MAP4K5: variants seen among roughly 807,000 people sequenced by gnomAD.
MAP4K5 encodes MAPK/ERK kinase kinase kinase 5.
A neutral mutation model predicts 135.6 loss-of-function variants in MAP4K5; 82 were observed. That is an observed-to-expected ratio of 0.60 (90% CI 0.51 to 0.73). The LOEUF (loss-of-function observed/expected upper bound fraction) is 0.73. Among genes scored for constraint, MAP4K5 ranks in the 30% least tolerant of loss-of-function variants. MAP4K5 has a pLI of 0.00. For synonymous variants in MAP4K5, 347 were observed against 335.0 expected (o/e 1.04, Z -0.39); for missense variants, 907 against 1,010.9 (o/e 0.90, Z 1.39).
intron 14 of MAP4K5, among the ~76,000 whole-genome samples, chr14:50,451,956 A>C (rs1268568653): frequency 6.6e-6 from 1 of 151,578 alleles, no homozygotes; most frequent in Non-Finnish European, 1.5e-5. Context: ...CTCGTGGTAC[A>C]AAAGTGATAT....
At chr14:50,554,806 C>T (rs2038745190) in intron 1 of MAP4K5, among the ~76,000 whole-genome samples, 2 of 152,170 alleles carry the variant, frequency 1.3e-5, no homozygotes, top group African/African-American at 4.8e-5. Flanking sequence ...CTCATCCACT[C>T]GCTGGGCTGG....
chr14:50,532,261 C>G (rs2038412270), intron 1 of MAP4K5, 103 bp from the exon 2 acceptor site: 4 of 491,502 alleles, frequency 8.1e-6, no homozygotes, highest in Non-Finnish European at 1.4e-5. Flanking sequence ...CGCCAGGGGC[C>G]GTGGAAGAGA....
chr14:50,558,056 T>C (rs1214436688), intron 1 of MAP4K5, among the ~76,000 whole-genome samples: 1 of 152,224 alleles, frequency 6.6e-6, no homozygotes, highest in African/African-American at 2.4e-5. Flanking sequence ...CATTAATTTA[T>C]AGAGGGACTC....
chr14:50,527,837 TA>T (rs1329888023), intron 2 of MAP4K5, among the ~76,000 whole-genome samples: 997 of 23,300 alleles, frequency 0.043, 11 homozygotes, highest in African/African-American at 0.091. Context: ...ATAATAATAA[TA>T]AATAAATAAA....
chr14:50,469,717 T>C (rs1231324042), intron 9 of MAP4K5, among the ~76,000 whole-genome samples: 1 of 152,180 alleles, frequency 6.6e-6, no homozygotes, highest in African/African-American at 2.4e-5. Flanking sequence ...CTGTTGAATA[T>C]ACAAAAGACT....
intron 16 of MAP4K5, among the ~76,000 whole-genome samples, chr14:50,446,418 T>C (rs2036349429): frequency 6.6e-6 from 1 of 152,246 alleles, no homozygotes; most frequent in Non-Finnish European, 1.5e-5. Context: ...AAAAAACTGA[T>C]TCAGAATTTT....
chr14:50,443,894 T>C, intron 19 of MAP4K5, 45 bp downstream of exon 19: 2 of 1,491,658 alleles, frequency 1.3e-6, no homozygotes, highest in Non-Finnish European at 1.8e-6. Context: ...GCATGATAAA[T>C]ATAGTATTAT....
At chr14:50,481,068 T>A (rs190064853) in intron 6 of MAP4K5, among the ~76,000 whole-genome samples, 1 of 151,880 alleles carries the variant, frequency 6.6e-6, no homozygotes, top group Non-Finnish European at 1.5e-5. Flanking sequence ...CTTTGTTTTT[T>A]TTTTTTATTT....
At chr14:50,505,908 T>C (rs963491025) in intron 2 of MAP4K5, among the ~76,000 whole-genome samples, 33 of 146,150 alleles carry the variant, frequency 2.3e-4, no homozygotes, top group African/African-American at 7.3e-4. Context: ...GATACGGTAT[T>C]ACTAGGTCAA....
chr14:50,480,786 T>C (rs1174641759), intron 6 of MAP4K5, among the ~76,000 whole-genome samples: 1 of 152,220 alleles, frequency 6.6e-6, no homozygotes, highest in East Asian at 1.9e-4. Flanking sequence ...AGGGTATATG[T>C]ATAGCCCTAT....
chr14:50,515,236 T>TGG (rs1354891944), intron 2 of MAP4K5, among the ~76,000 whole-genome samples: 1 of 152,192 alleles, frequency 6.6e-6, no homozygotes, highest in Non-Finnish European at 1.5e-5. Context: ...TTATGACCCC[T>TGG]GGTTCACAGT....
chr14:50,434,217 C>A (rs1478499028), intron 28 of MAP4K5, among the ~76,000 whole-genome samples, 177 bp downstream of exon 28: 2 of 152,116 alleles, frequency 1.3e-5, no homozygotes, highest in Non-Finnish European at 2.9e-5. Flanking sequence ...TATCAAACTA[C>A]CTCTGGCAAA....
intron 1 of MAP4K5, among the ~76,000 whole-genome samples, chr14:50,558,321 T>G (rs1194555437): frequency 3.3e-5 from 5 of 152,186 alleles, no homozygotes; most frequent in Non-Finnish European, 1.5e-5. Flanking sequence ...ATCACGCCAC[T>G]GCACTCCGGC....
At chr14:50,473,911 A>C (rs1272301959) in intron 9 of MAP4K5, among the ~76,000 whole-genome samples, 1 of 151,622 alleles carries the variant, frequency 6.6e-6, no homozygotes, top group Non-Finnish European at 1.5e-5. Flanking sequence ...TTTTTAGTAG[A>C]GACGGGGTTT....
In MAP4K5 at chr14:50,422,575, TAA is replaced by T. The variant is rs965980711; in HGVS notation, c.2453+544_2453+545del. Among the ~76,000 whole-genome samples, 4 of 142,324 alleles carry T rather than the reference TAA, an allele frequency of 2.8e-5. 1 individual carries two copies. Among genetic ancestry groups the T allele is most frequent in the African/African-American group, 1.0e-4 (4 of 38,698 alleles). The allele number at this position is 142,324 out of a possible 152,430, so 93.4% of individuals were successfully genotyped here. A position where few individuals can be genotyped will look rare whatever the true frequency, so the allele number is the denominator to read the frequency against. The stretch of plus-strand genomic sequence containing the variant: ...GTTGAGCGACAGAGTGAGACCGTCT[TAA>T]AAAAAAAAAGAAAAAAAGAAGTAGG... On this transcript the variant is annotated intron_variant, in intron 32 of 32. Transcript: ENST00000682126.
chr14:50,457,906 G>A (rs2139787523), intron 13 of MAP4K5, among the ~76,000 whole-genome samples: 1 of 152,236 alleles, frequency 6.6e-6, no homozygotes, highest in South Asian at 2.1e-4. Flanking sequence ...TTGCCCCACT[G>A]TCTTTTAGTA....
chr14:50,558,802 A>G (rs983227079), intron 1 of MAP4K5, among the ~76,000 whole-genome samples: 2 of 152,220 alleles, frequency 1.3e-5, no homozygotes, highest in African/African-American at 2.4e-5. Flanking sequence ...GTTTATAGGT[A>G]TAAGGATGAG....
intron 2 of MAP4K5, among the ~76,000 whole-genome samples, chr14:50,506,852 T>C (rs2037820309): frequency 6.6e-6 from 1 of 152,220 alleles, no homozygotes; most frequent in Non-Finnish European, 1.5e-5. Flanking sequence ...GTCAGCCAGA[T>C]GCCTCACACC....
In MAP4K5 at chr14:50,425,909, C is replaced by T; in HGVS notation, c.2395G>A (p.Glu799Lys). ...GGAGGTAATCTGAGAAGGCTTACCT[C>T]ATCTGACTTGAAGCTTTTACCCTGC... Reference protein sequence around the residue: ...GMQGKSFKSDEVTQEISDETR... With the variant: ...GMQGKSFKSDKVTQEISDETR... Residue 799 changes from glutamate (E) to lysine (K), a missense_variant and splice_region_variant, in exon 31 of 33, where the codon GAG becomes AAG. Physicochemically the swap from Glu to Lys is moderately conservative, Grantham distance 56 (BLOSUM62 1). Coordinates refer to ENST00000682126, the MANE Select transcript of MAP4K5 (RefSeq NM_006575.6). The T allele has an allele frequency of 2.5e-6, 4 of 1,610,076 alleles. No homozygotes were observed. Among genetic ancestry groups the T allele is most frequent in the Non-Finnish European group, 3.4e-6 (4 of 1,177,242 alleles).
Sources: gnomAD v4.1 joint callset for allele counts (sites outside exome capture counted in the v4.1 genomes callset) on GRCh38, gnomAD v4.1.1 for gene constraint, MANE v1.5 for transcripts, NCBI Gene and HGNC (gene_info 2026-07-23, HGNC 2026-07-21) for gene names.